MINDY2: variants seen among roughly 807,000 people sequenced by gnomAD.
MINDY2 encodes the protein ubiquitin carboxyl-terminal hydrolase MINDY-2.
In MINDY2, 52 loss-of-function variants were observed where a neutral mutation model predicts 68.2. That is an observed-to-expected ratio of 0.76 (90% CI 0.61 to 0.96). MINDY2 has a LOEUF of 0.96. MINDY2 is among the 40% of genes least tolerant of loss of function. The probability of loss-of-function intolerance (pLI) is 0.00; values close to 1 mark genes in which losing one functional copy is unlikely to be tolerated. For synonymous variants in MINDY2, 372 were observed against 303.0 expected (o/e 1.23, Z -2.36); for missense variants, 881 against 773.4 (o/e 1.14, Z -1.65).
At chr15:58,831,618 A>C (rs2031730410) in intron 5 of MINDY2, among the ~76,000 whole-genome samples, 156 bp from the exon 6 acceptor site, 1 of 152,246 alleles carries the variant, frequency 6.6e-6, no homozygotes, top group African/African-American at 2.4e-5. Context: ...AAAATTAAAA[A>C]CACAAATGTC....
Position 58,824,902 on chromosome 15 carries a change from T to C in MINDY2, c.1225+3083T>C, listed in dbSNP as rs576717665. Reference sequence around the variant, plus strand: ...CCAGGCTGGTCTCAAACTCCTGACCTCAGGTGATCCGCCAGCCTCAACCTC... The same window carrying C: ...CCAGGCTGGTCTCAAACTCCTGACCCCAGGTGATCCGCCAGCCTCAACCTC... On this transcript the variant is annotated intron_variant, in intron 5 of 8. Coordinates refer to ENST00000559228, the MANE Select transcript of MINDY2 (RefSeq NM_001040450.3). Among the ~76,000 whole-genome samples, 309 of 152,218 alleles carry C rather than the reference T, an allele frequency of 2.0e-3. 2 individuals are homozygous for C. The highest frequency in any genetic ancestry group is 7.0e-3 in the African/African-American group (290 of 41,526).
At chr15:58,779,678 A>G (rs1159105340) in intron 1 of MINDY2, among the ~76,000 whole-genome samples, 2 of 152,230 alleles carry the variant, frequency 1.3e-5, no homozygotes, top group East Asian at 3.8e-4. Context: ...TTGTTTACAC[A>G]AAAGACTTAA....
At chr15:58,810,644 C>T (rs545249291) in intron 4 of MINDY2, among the ~76,000 whole-genome samples, 90 of 152,278 alleles carry the variant, frequency 5.9e-4, no homozygotes, top group African/African-American at 2.0e-3. Context: ...GTACTTCTCA[C>T]ACCAATCACA....
At chr15:58,778,059 A>G (rs1290140054) in intron 1 of MINDY2, among the ~76,000 whole-genome samples, 1 of 152,184 alleles carries the variant, frequency 6.6e-6, no homozygotes, top group Admixed American at 6.5e-5. Context: ...GGTATATAAC[A>G]TATATATTTT....
At chr15:58,792,336 G>T (rs1207287384) in intron 2 of MINDY2, among the ~76,000 whole-genome samples, 1 of 152,204 alleles carries the variant, frequency 6.6e-6, no homozygotes, top group African/African-American at 2.4e-5. Flanking sequence ...GGCCACACGC[G>T]GTGGCTTACG....
chr15:58,812,844 C>A (rs765162211), intron 4 of MINDY2, among the ~76,000 whole-genome samples: 1 of 152,082 alleles, frequency 6.6e-6, no homozygotes, highest in Non-Finnish European at 1.5e-5. Flanking sequence ...AGAGAAAGAG[C>A]GAGACCCTGT....
At chr15:58,796,781 C>T (rs146892249) in intron 2 of MINDY2, among the ~76,000 whole-genome samples, 11 of 152,284 alleles carry the variant, frequency 7.2e-5, no homozygotes, top group Admixed American at 4.6e-4. Flanking sequence ...CCTTGGCCTC[C>T]GGAAGTGCTG....
chr15:58,823,300 T>G (rs1422439242), intron 5 of MINDY2, among the ~76,000 whole-genome samples: 1 of 151,936 alleles, frequency 6.6e-6, no homozygotes, highest in Non-Finnish European at 1.5e-5. Context: ...AATTTTGTAT[T>G]TTTAGTAGAG....
At position 58,771,640 on chromosome 15, in the gene MINDY2, C is replaced by G; in HGVS notation, c.245C>G (p.Ser82Cys). The change falls in exon 1 of 9, where the codon TCC becomes TGC. Residue 82 changes from serine (S) to cysteine (C), a missense_variant. Physicochemically the swap from Ser to Cys is moderately radical, Grantham distance 112. Transcript: ENST00000559228. ...SPEVPGPCSS[S>C]AGLDLKDSGL... is the part of the protein sequence containing the mutation. The stretch of plus-strand genomic sequence containing the variant: ...GAGGTTCCCGGACCCTGCAGCTCCT[C>G]CGCGGGTTTGGACTTGAAGGACAGT... 1 of 1,612,468 alleles carries G rather than the reference C, an allele frequency of 6.2e-7. No homozygotes were observed. Among genetic ancestry groups the G allele is most frequent in the Non-Finnish European group, 8.5e-7 (1 of 1,179,886 alleles).
intron 3 of MINDY2, among the ~76,000 whole-genome samples, chr15:58,808,249 T>A (rs965687734): frequency 6.6e-6 from 1 of 152,212 alleles, no homozygotes; most frequent in Non-Finnish European, 1.5e-5. Flanking sequence ...TATAATTTAC[T>A]CTTTCTTGGT....
intron 6 of MINDY2, among the ~76,000 whole-genome samples, chr15:58,834,411 C>G (rs946649274): frequency 6.6e-6 from 1 of 152,194 alleles, no homozygotes; most frequent in African/African-American, 2.4e-5. Context: ...AAAGCTACTT[C>G]TACTCTCCTC....
In MINDY2 at chr15:58,861,472, A is replaced by C. The variant is rs933357503; in HGVS notation, c.*6862A>C. 1 of 152,204 alleles carries C rather than the reference A, an allele frequency of 6.6e-6. No individual in the cohort carries two copies. The highest frequency in any genetic ancestry group is 1.5e-5 in the Non-Finnish European group (1 of 68,032). 9.4% of individuals were successfully genotyped at this position (152,204 alleles called of 1,614,324 possible). A position where few individuals can be genotyped will look rare whatever the true frequency, so the allele number is the denominator to read the frequency against. On this transcript the variant is annotated 3_prime_UTR_variant, in exon 9 of 9. Coordinates refer to ENST00000559228, the MANE Select transcript of MINDY2 (RefSeq NM_001040450.3). ...CTTTAATTTCAATTGAGGAATAATAACAACCCTAGAGATTCATAGGAAAGA... is the reference window on the plus strand; with the variant it reads ...CTTTAATTTCAATTGAGGAATAATACCAACCCTAGAGATTCATAGGAAAGA...
chr15:58,775,282 G>A (rs1595694706), intron 1 of MINDY2, among the ~76,000 whole-genome samples: 2 of 152,164 alleles, frequency 1.3e-5, no homozygotes, highest in East Asian at 3.9e-4. Context: ...AAGTTATTGG[G>A]GGTCCTCAAT....
chr15:58,813,861 A>G (rs1413916624), intron 4 of MINDY2, among the ~76,000 whole-genome samples: 1 of 151,102 alleles, frequency 6.6e-6, no homozygotes, highest in African/African-American at 2.4e-5. Context: ...TCAGCACTTA[A>G]TGTTGTCACT....
At chr15:58,798,174 T>G (rs1902404359) in intron 2 of MINDY2, among the ~76,000 whole-genome samples, 1 of 152,180 alleles carries the variant, frequency 6.6e-6, no homozygotes, top group Admixed American at 6.5e-5. Flanking sequence ...TGGAGTATAA[T>G]GGTGCGATCT....
intron 2 of MINDY2, among the ~76,000 whole-genome samples, chr15:58,798,050 C>A (rs1486833131): frequency 1.2e-4 from 19 of 152,296 alleles, no homozygotes; most frequent in African/African-American, 4.6e-4. Flanking sequence ...ATCCCTCTTA[C>A]ACCTCTACAA....
At chr15:58,791,224 T>TATATATATATATAC (rs1901881231) in intron 2 of MINDY2, among the ~76,000 whole-genome samples, 1 of 20,276 alleles carries the variant, frequency 4.9e-5, no homozygotes, top group Non-Finnish European at 6.5e-5. Context: ...TTTATATATA[T>TATATATATATATAC]ATATATATAT....
chr15:58,844,260 A>G (rs774049892), intron 6 of MINDY2, among the ~76,000 whole-genome samples: 13 of 152,110 alleles, frequency 8.5e-5, no homozygotes, highest in Non-Finnish European at 1.6e-4. Flanking sequence ...AATAATCTCC[A>G]TTGTTGGCCG....
chr15:58,794,959 G>T (rs1186662906), intron 2 of MINDY2, among the ~76,000 whole-genome samples: 2 of 151,828 alleles, frequency 1.3e-5, no homozygotes, highest in Non-Finnish European at 2.9e-5. Context: ...AGGCCGAGGT[G>T]GGCTGATCAC....
Sources: allele counts gnomAD v4.1 joint callset (sites outside exome capture counted in the v4.1 genomes callset), GRCh38; gene constraint gnomAD v4.1.1; transcripts MANE v1.5; gene names NCBI Gene and HGNC (gene_info 2026-07-23, HGNC 2026-07-21).